ERC2: variants seen among roughly 807,000 people sequenced by gnomAD.
ERC2 encodes the protein ELKS/RAB6-interacting/CAST family member 2.
ERC2 carries 42 observed loss-of-function variants against 114.8 expected under a neutral mutation model. That is an observed-to-expected ratio of 0.37 (90% CI 0.29 to 0.47). The LOEUF is 0.47. Ranked by LOEUF, ERC2 falls within the 20% of genes least tolerant of loss-of-function variation. The pLI is 0.99. For synonymous variants in ERC2, 454 were observed against 425.5 expected (o/e 1.07, Z -0.82); for missense variants, 939 against 1,150.7 (o/e 0.82, Z 2.66).
intron 4 of ERC2, among the ~76,000 whole-genome samples, chr3:56,168,279 T>C (rs1023569924): frequency 6.6e-6 from 1 of 152,186 alleles, no homozygotes; most frequent in Non-Finnish European, 1.5e-5. Flanking sequence ...GTGATGTTGC[T>C]GTCATTGGGT....
At chr3:56,446,145 G>A (rs901829720) in intron 1 of ERC2, among the ~76,000 whole-genome samples, 6 of 152,120 alleles carry the variant, frequency 3.9e-5, no homozygotes, top group East Asian at 1.9e-4. Context: ...ACAATGATCC[G>A]GGAACATTCA....
intron 3 of ERC2, among the ~76,000 whole-genome samples, chr3:56,229,288 G>A (rs1426721758): frequency 6.6e-6 from 1 of 152,172 alleles, no homozygotes; most frequent in African/African-American, 2.4e-5. Context: ...GGCAAGTTCT[G>A]TCCTATGTCC....
intron 14 of ERC2, among the ~76,000 whole-genome samples, chr3:55,739,202 T>G (rs1234015066): frequency 6.6e-6 from 1 of 152,210 alleles, no homozygotes; most frequent in African/African-American, 2.4e-5. Context: ...CTATTGTGAA[T>G]AGTGCCGCAA....
At chr3:55,721,057 C>G (rs2064519999) in intron 15 of ERC2, among the ~76,000 whole-genome samples, 1 of 152,210 alleles carries the variant, frequency 6.6e-6, no homozygotes, top group East Asian at 1.9e-4. Flanking sequence ...TTGGAGCTTT[C>G]CTTCTTCACT....
At chr3:56,211,983 A>G (rs1261903247) in intron 3 of ERC2, among the ~76,000 whole-genome samples, 1 of 152,152 alleles carries the variant, frequency 6.6e-6, no homozygotes, top group Non-Finnish European at 1.5e-5. Flanking sequence ...ATCTGAAACC[A>G]TAAACATTCT....
chr3:56,305,229 C>T (rs1576354473), intron 2 of ERC2, among the ~76,000 whole-genome samples: 1 of 151,692 alleles, frequency 6.6e-6, no homozygotes, highest in East Asian at 1.9e-4. Flanking sequence ...ATACTATAAA[C>T]AGAATGAAAA....
chr3:56,096,129 G>A (rs751091714), intron 6 of ERC2, among the ~76,000 whole-genome samples: 7 of 152,126 alleles, frequency 4.6e-5, no homozygotes, highest in African/African-American at 9.7e-5. Context: ...ATAAAGTAGA[G>A]ACAATCACTG....
intron 12 of ERC2, among the ~76,000 whole-genome samples, chr3:55,957,393 G>T (rs2068034313): frequency 6.6e-6 from 1 of 152,144 alleles, no homozygotes; most frequent in Admixed American, 6.5e-5. Context: ...TTAGGGGATG[G>T]GGACATGAAA....
intron 14 of ERC2, among the ~76,000 whole-genome samples, chr3:55,792,603 A>G (rs768882496): frequency 6.6e-6 from 1 of 152,204 alleles, no homozygotes. Context: ...TAGCAATGAA[A>G]TGTGAAGGTG....
intron 6 of ERC2, among the ~76,000 whole-genome samples, chr3:56,128,621 T>C (rs1387343272): frequency 1.3e-5 from 2 of 152,198 alleles, no homozygotes; most frequent in African/African-American, 4.8e-5. Context: ...GGTTGAAAAG[T>C]TGACAAATCC....
chr3:55,555,179 C>T (rs2055514248), intron 17 of ERC2, among the ~76,000 whole-genome samples: 1 of 152,186 alleles, frequency 6.6e-6, no homozygotes, highest in Admixed American at 6.5e-5. Context: ...TAATTAAACA[C>T]CAAAACCCTA....
In ERC2 at chr3:55,963,433, T is replaced by A. The variant is rs139873307; in HGVS notation, c.2268-12873A>T. 6.2e-3 allele frequency among the ~76,000 whole-genome samples: 945 copies of A among 152,242 alleles called. 9 individuals are homozygous for A. The highest frequency in any genetic ancestry group is 0.021 in the African/African-American group (886 of 41,534). ...AGCTCAACACAACGTTCCCTTTTTG[T>A]AAGAGAAGGACAAAAGGGCAAGGAC... On this transcript the variant is annotated intron_variant, in intron 12 of 17. Transcript: ENST00000288221.
intron 14 of ERC2, among the ~76,000 whole-genome samples, chr3:55,774,342 G>A (rs1280720811): frequency 6.6e-6 from 1 of 152,232 alleles, no homozygotes. Flanking sequence ...GCTCAAGTCT[G>A]TGTGTGCATT....
chr3:55,656,642 A>G (rs1197375924), intron 17 of ERC2, among the ~76,000 whole-genome samples: 1 of 152,200 alleles, frequency 6.6e-6, no homozygotes, highest in Non-Finnish European at 1.5e-5. Flanking sequence ...TATAAGGAGA[A>G]CTCTGAAAGA....
intron 17 of ERC2, among the ~76,000 whole-genome samples, chr3:55,576,810 G>C (rs2057006244): frequency 6.6e-6 from 1 of 152,238 alleles, no homozygotes; most frequent in African/African-American, 2.4e-5. Flanking sequence ...CAGCTCCAAA[G>C]TGGCAACAAG....
intron 14 of ERC2, among the ~76,000 whole-genome samples, chr3:55,883,404 A>C (rs1236996274): frequency 2.6e-5 from 4 of 152,216 alleles, no homozygotes; most frequent in African/African-American, 9.6e-5. Context: ...GGTAAAAATT[A>C]AACAGCCTAA....
intron 16 of ERC2, among the ~76,000 whole-genome samples, chr3:55,684,802 T>A (rs2148781570): frequency 6.6e-6 from 1 of 152,320 alleles, no homozygotes; most frequent in South Asian, 2.1e-4. Context: ...CTGCAAGGAT[T>A]GAAACATACC....
At chr3:56,139,260 T>C (rs2080706056) in intron 6 of ERC2, among the ~76,000 whole-genome samples, 2 of 152,218 alleles carry the variant, frequency 1.3e-5, no homozygotes, top group South Asian at 4.1e-4. Context: ...TCCCACTTAG[T>C]ATAAGAAATT....
intron 13 of ERC2, among the ~76,000 whole-genome samples, chr3:55,920,097 C>T (rs1208228627): frequency 2.0e-5 from 3 of 151,508 alleles, no homozygotes; most frequent in Non-Finnish European, 4.4e-5. Flanking sequence ...TTAGTATGGC[C>T]GGATGCACAT....
Sources: allele counts gnomAD v4.1 joint callset (sites outside exome capture counted in the v4.1 genomes callset), GRCh38; gene constraint gnomAD v4.1.1; transcripts MANE v1.5; gene names NCBI Gene and HGNC (gene_info 2026-07-23, HGNC 2026-07-21).